The following API5 variants were observed in gnomAD, a reference collection of about 807,000 sequenced individuals.
The protein encoded by API5 is apoptosis inhibitor 5.
A neutral mutation model predicts 71.9 loss-of-function variants in API5; 6 were observed. That is an observed-to-expected ratio of 0.08 (90% CI 0.05 to 0.16). The LOEUF (loss-of-function observed/expected upper bound fraction) is 0.16. API5 is among the 10% of genes least tolerant of loss of function. API5 has a pLI of 1.00. For synonymous variants in API5, 189 were observed against 221.3 expected (o/e 0.85, Z 1.30); for missense variants, 332 against 612.8 (o/e 0.54, Z 4.84).
chr11:43,312,363 C>T (rs1029726468), intron 1 of API5, among the ~76,000 whole-genome samples, 167 bp downstream of exon 1: 1 of 151,864 alleles, frequency 6.6e-6, no homozygotes, highest in African/African-American at 2.4e-5. Flanking sequence ...GGAGTGTAGA[C>T]TCTGGTTTCA....
chr11:43,314,484 A>G (rs1282018448), intron 1 of API5, among the ~76,000 whole-genome samples: 1 of 152,216 alleles, frequency 6.6e-6, no homozygotes, highest in Non-Finnish European at 1.5e-5. Flanking sequence ...TTTATTTAGT[A>G]AGGGTACTTT....
chr11:43,334,728 A>G (rs1855371957), intron 11 of API5, among the ~76,000 whole-genome samples: 1 of 152,144 alleles, frequency 6.6e-6, no homozygotes, highest in African/African-American at 2.4e-5. Context: ...TTTAAATCTT[A>G]CACGGTTTTT....
At chr11:43,325,057 A>G (rs941625277) in intron 6 of API5, among the ~76,000 whole-genome samples, 1 of 152,156 alleles carries the variant, frequency 6.6e-6, no homozygotes, top group Non-Finnish European at 1.5e-5. Flanking sequence ...ACTTTGCAGT[A>G]AAGTATATAA....
At chr11:43,335,468 C>T in intron 12 of API5, 114 bp downstream of exon 12, 1 of 645,092 alleles carries the variant, frequency 1.6e-6, no homozygotes, top group Non-Finnish European at 2.6e-6. Flanking sequence ...TTAAATATGA[C>T]TATTAGAAAT....
intron 13 of API5, among the ~76,000 whole-genome samples, chr11:43,338,001 T>C (rs544706488): frequency 1.3e-5 from 2 of 152,154 alleles, no homozygotes; most frequent in African/African-American, 4.8e-5. Flanking sequence ...ATGAGAAACA[T>C]AAGCAAAGTT....
At chr11:43,323,179 C>G (rs575841568) in intron 5 of API5, among the ~76,000 whole-genome samples, 2 of 151,826 alleles carry the variant, frequency 1.3e-5, no homozygotes, top group African/African-American at 4.8e-5. Context: ...TATGGTACTA[C>G]ATGTATATCT....
intron 13 of API5, among the ~76,000 whole-genome samples, chr11:43,339,070 A>C (rs1471706724): frequency 6.6e-6 from 1 of 152,178 alleles, no homozygotes; most frequent in Non-Finnish European, 1.5e-5. Flanking sequence ...AAACACAATG[A>C]TTTCATTTTC....
chr11:43,320,783 A>G (rs1188313403), intron 2 of API5, 38 bp from the exon 3 acceptor site: 1 of 1,403,662 alleles, frequency 7.1e-7, no homozygotes, highest in Admixed American at 1.8e-5. Context: ...TTTAAAGGTG[A>G]TAGTATTTGG....
intron 2 of API5, among the ~76,000 whole-genome samples, chr11:43,320,042 C>CTTTTTT (rs368783012): frequency 3.3e-5 from 4 of 120,146 alleles, no homozygotes; most frequent in Admixed American, 8.7e-5. Context: ...CAAATTCTCT[C>CTTTTTT]TTTTTTTTTT....
intron 13 of API5, among the ~76,000 whole-genome samples, chr11:43,336,751 G>A (rs559371318): frequency 3.0e-4 from 46 of 152,274 alleles, no homozygotes; most frequent in East Asian, 1.2e-3. Flanking sequence ...GCTCAAGCCT[G>A]TAATCCCAGC....
At chr11:43,330,682 T>C (rs1467005020) in intron 11 of API5, 118 bp downstream of exon 11, 1 of 785,964 alleles carries the variant, frequency 1.3e-6, no homozygotes, top group East Asian at 2.6e-5. Flanking sequence ...TTCTTCTGGC[T>C]CAAAGCATTG....
Position 43,335,984 on chromosome 11 carries a change from C to A in API5, c.1482C>A (p.Asn494Lys), listed in dbSNP as rs952408014. The A allele has an allele frequency of 6.2e-7, 1 of 1,613,890 alleles. No individual in the cohort carries two copies. Among genetic ancestry groups the A allele is most frequent in the African/African-American group, 1.3e-5 (1 of 74,924 alleles). ...PSGKYSSNLG[N>K]FNYEQRGAFR... Reference sequence around the variant, plus strand: ...GGAAATATAGCAGCAATTTGGGCAACTTTAATTATGGTGAGCGTTTCCGTT... The same window carrying A: ...GGAAATATAGCAGCAATTTGGGCAAATTTAATTATGGTGAGCGTTTCCGTT... The change falls in exon 13 of 14, where the codon AAC becomes AAA. Residue 494 changes from asparagine to lysine, a missense_variant. Physicochemically the swap from Asn to Lys is moderately conservative, Grantham distance 94 (BLOSUM62 0). This residue lies in a region of API5 where 168 missense variants were observed against 343.9 expected (regional missense o/e 0.49). Coordinates refer to ENST00000531273, the MANE Select transcript of API5 (RefSeq NM_001142930.2).
chr11:43,336,149 A>C, intron 13 of API5, 155 bp downstream of exon 13: 1 of 984,478 alleles, frequency 1.0e-6, no homozygotes, highest in Non-Finnish European at 1.4e-6. Context: ...GAAATGATTT[A>C]TCCCATTCCT....
Position 43,337,056 on chromosome 11 carries a change from G to A in API5, c.1492+1062G>A, listed in dbSNP as rs563736995. 1.3e-4 allele frequency among the ~76,000 whole-genome samples: 19 copies of A among 149,942 alleles called. No individual in the cohort carries two copies. The South Asian group carries it at 3.8e-3, about 30-fold the overall frequency. ...AGACAAAGTTTAGGCAGGCATGGTA[G>A]CTCACACATGTAAACCCAACACTTT... On this transcript the variant is annotated intron_variant, in intron 13 of 13. Coordinates refer to ENST00000531273, the MANE Select transcript of API5 (RefSeq NM_001142930.2).
In API5 at chr11:43,328,840, A is replaced by G. The variant is rs773164328; in HGVS notation, c.1074A>G (p.Pro358=). The change falls in exon 9 of 14, where the codon CCA becomes CCG. Residue 358 remains proline (P), a synonymous_variant. Coordinates refer to ENST00000531273, the MANE Select transcript of API5 (RefSeq NM_001142930.2). ...YSFHQLGRKL[P]DFLTAKLNAE... ...TTCACCAGTTGGGCCGAAAACTTCC[A>G]GATTTCTTAACAGCCAAACTGAATG... 2 of 1,614,042 alleles carry G rather than the reference A, an allele frequency of 1.2e-6. No individual in the cohort carries two copies. Among genetic ancestry groups the G allele is most frequent in the East Asian group, 2.2e-5 (1 of 44,882 alleles).
intron 5 of API5, among the ~76,000 whole-genome samples, chr11:43,322,770 C>A (rs1472190066): frequency 1.3e-5 from 2 of 152,110 alleles, no homozygotes; most frequent in Non-Finnish European, 1.5e-5. Context: ...CTACTACTAC[C>A]CACTTCCTTA....
At chr11:43,330,461 CAT>C in intron 10 of API5, 45 bp from the exon 11 acceptor site, 1 of 1,320,816 alleles carries the variant, frequency 7.6e-7, no homozygotes, top group Non-Finnish European at 1.1e-6. Context: ...GATTATGCCT[CAT>C]AGAAGTTATT....
intron 11 of API5, among the ~76,000 whole-genome samples, chr11:43,333,524 C>T (rs1299346760): frequency 6.6e-6 from 1 of 152,126 alleles, no homozygotes; most frequent in Non-Finnish European, 1.5e-5. Context: ...AGATATATGA[C>T]TGGCTACTAT....
chr11:43,323,425 T>G lies in API5; in HGVS notation c.544-5T>G. On this transcript the variant is annotated splice_polypyrimidine_tract_variant and splice_region_variant and intron_variant, in intron 5 of 13. Transcript: ENST00000531273. Reference sequence around the variant, plus strand: ...TACTCTTATTCTGAATTGTCTCTTTTCCAGGTCCTAGAAGATGTGACTGGT... The same window carrying G: ...TACTCTTATTCTGAATTGTCTCTTTGCCAGGTCCTAGAAGATGTGACTGGT... 1 of 1,611,514 alleles carries G rather than the reference T, an allele frequency of 6.2e-7. No homozygotes were observed. Among genetic ancestry groups the G allele is most frequent in the Non-Finnish European group, 8.5e-7 (1 of 1,177,684 alleles).
Sources: gnomAD v4.1 joint callset for allele counts (sites outside exome capture counted in the v4.1 genomes callset) on GRCh38, gnomAD v4.1.1 for gene constraint, gnomAD v4.1.1 regional missense constraint, MANE v1.5 for transcripts, NCBI Gene and HGNC (gene_info 2026-07-23, HGNC 2026-07-21) for gene names.